The following FRMD4A variants were observed in gnomAD, a reference collection of about 807,000 sequenced individuals.
The protein encoded by FRMD4A is FERM domain containing 4A, also known as FERM domain-containing protein 4A.
In FRMD4A, 29 loss-of-function variants were observed where a neutral mutation model predicts 129.1. The observed-to-expected ratio is 0.22, with a 90% CI of 0.17 to 0.31. The LOEUF (loss-of-function observed/expected upper bound fraction) is 0.31, where lower values mean the gene tolerates loss of function less well. Among genes scored for constraint, FRMD4A ranks in the 10% least tolerant of loss-of-function variants. The pLI is 1.00. For missense variants in FRMD4A, 1,272 were observed against 1,375.8 expected, an observed-to-expected ratio of 0.92 and a Z score of 1.19; for synonymous variants, 634 against 571.6, an observed-to-expected ratio of 1.11 and a Z score of -1.56.
In FRMD4A at chr10:13,830,892, T is replaced by G. The variant is rs908452272; in HGVS notation, c.112-19984A>C. 5.3e-5 allele frequency among the ~76,000 whole-genome samples: 8 copies of G among 152,210 alleles called. No individual in the cohort carries two copies. The South Asian group carries it at 1.7e-3, about 32-fold the overall frequency. ...GCAACCTCTGCCTCCCGGGTTCAAG[T>G]GATTCTCATGCCTCAGCCTCCCAAG... On this transcript the variant is annotated intron_variant, in intron 3 of 24. Transcript: ENST00000357447.
chr10:13,728,994 T>A (rs2090126331), intron 12 of FRMD4A, among the ~76,000 whole-genome samples: 1 of 152,196 alleles, frequency 6.6e-6, no homozygotes, highest in South Asian at 2.1e-4. Context: ...GATCTCAATT[T>A]TCTTAGAATA....
At chr10:13,924,538 A>G (rs2095108574) in intron 2 of FRMD4A, among the ~76,000 whole-genome samples, 1 of 152,050 alleles carries the variant, frequency 6.6e-6, no homozygotes, top group African/African-American at 2.4e-5. Flanking sequence ...GACTTCTCTC[A>G]GGGAGAAGCA....
intron 2 of FRMD4A, among the ~76,000 whole-genome samples, chr10:13,919,862 C>A (rs560556163): frequency 6.6e-6 from 1 of 152,218 alleles, no homozygotes; most frequent in African/African-American, 2.4e-5. Flanking sequence ...TGCTTGAACC[C>A]AAGAGGCAGA....
intron 2 of FRMD4A, among the ~76,000 whole-genome samples, chr10:14,006,519 A>G (rs956975125): frequency 3.3e-5 from 5 of 152,202 alleles, no homozygotes; most frequent in Admixed American, 6.5e-5. Flanking sequence ...TAAACACTTT[A>G]TCTGGAGAAC....
At chr10:13,689,278 G>A (rs1267649336) in intron 15 of FRMD4A, among the ~76,000 whole-genome samples, 1 of 141,412 alleles carries the variant, frequency 7.1e-6, no homozygotes, top group East Asian at 2.3e-4. Context: ...GGAGCTAGCA[G>A]AAATGTTTAT....
chr10:14,177,630 G>A (rs925428051), intron 2 of FRMD4A, among the ~76,000 whole-genome samples: 2 of 152,142 alleles, frequency 1.3e-5, no homozygotes, highest in Non-Finnish European at 2.9e-5. Context: ...AACAGAGGGG[G>A]GACTATGCCA....
chr10:13,764,184 C>CGTGTGTGTGTGTGTGTGTGT (rs369852562), intron 6 of FRMD4A, among the ~76,000 whole-genome samples: 1 of 141,596 alleles, frequency 7.1e-6, no homozygotes, highest in Non-Finnish European at 1.5e-5. Flanking sequence ...CAAAGATTTC[C>CGTGTGTGTGTGTGTGTGTGT]GTGTGTGTGT....
intron 19 of FRMD4A, among the ~76,000 whole-genome samples, chr10:13,661,764 A>G (rs879790761): frequency 2.6e-5 from 4 of 152,140 alleles, no homozygotes; most frequent in African/African-American, 7.2e-5. Flanking sequence ...CTTCACAGGG[A>G]AGGCAGACAT....
chr10:13,722,155 C>G (rs914654012), intron 12 of FRMD4A, among the ~76,000 whole-genome samples: 1 of 151,366 alleles, frequency 6.6e-6, no homozygotes, highest in Non-Finnish European at 1.5e-5. Context: ...TCCCGTGCAG[C>G]AGAAACACCT....
At position 13,645,472 on chromosome 10, in the gene FRMD4A, A is replaced by T. The variant is rs1016468678; in HGVS notation, c.*1566T>A. On this transcript the variant is annotated 3_prime_UTR_variant, in exon 25 of 25. Coordinates refer to ENST00000357447, the MANE Select transcript of FRMD4A (RefSeq NM_018027.5). ...AAAGTCGTGCACTTGTTACTATAAA[A>T]GTATTTTTGAGGCCTTTGAAGATTG... 1 of 152,578 alleles carries T rather than the reference A, an allele frequency of 6.6e-6. No individual in the cohort carries two copies. Among genetic ancestry groups the T allele is most frequent in the African/African-American group, 2.4e-5 (1 of 41,430 alleles). The allele number at this position is 152,578 out of a possible 1,614,324, so 9.5% of individuals were successfully genotyped here.
chr10:13,905,004 A>AAAAG (rs1276947094), intron 2 of FRMD4A, among the ~76,000 whole-genome samples: 2 of 151,034 alleles, frequency 1.3e-5, no homozygotes, highest in African/African-American at 4.9e-5. Context: ...AAAAAAAAAA[A>AAAAG]AAAAAAGAAA....
chr10:14,324,688 C>T (rs994908350), intron 2 of FRMD4A, among the ~76,000 whole-genome samples: 2 of 130,238 alleles, frequency 1.5e-5, no homozygotes, highest in Admixed American at 7.9e-5. Flanking sequence ...TGGAGTCCCG[C>T]TCTGTCACCC....
At chr10:14,154,339 A>G (rs899021510) in intron 2 of FRMD4A, among the ~76,000 whole-genome samples, 5 of 152,098 alleles carry the variant, frequency 3.3e-5, no homozygotes, top group Non-Finnish European at 5.9e-5. Context: ...ATTTTTTGAT[A>G]TCATTGAGAT....
chr10:14,146,337 T>C (rs1189415788), intron 2 of FRMD4A, among the ~76,000 whole-genome samples: 1 of 152,234 alleles, frequency 6.6e-6, no homozygotes, highest in Non-Finnish European at 1.5e-5. Flanking sequence ...GATGTCCTTT[T>C]TCTCCTAACA....
At chr10:13,967,330 C>T (rs575883561) in intron 2 of FRMD4A, among the ~76,000 whole-genome samples, 2 of 151,962 alleles carry the variant, frequency 1.3e-5, no homozygotes, top group South Asian at 4.1e-4. Flanking sequence ...GAGCGAGACT[C>T]CGTCTCAAAG....
At chr10:14,212,720 T>A (rs1394372073) in intron 2 of FRMD4A, among the ~76,000 whole-genome samples, 1 of 152,242 alleles carries the variant, frequency 6.6e-6, no homozygotes, top group Admixed American at 6.5e-5. Context: ...AGTACCTTAA[T>A]GCCTTTGGAA....
In FRMD4A at chr10:14,102,394, G is replaced by A. The variant is rs558331631; in HGVS notation, c.45+227664C>T. ...ATACAAAAACTAGCCGGGTGTGGTGGCGCAGGCCTATAGTCCCAGCTACTC... is the reference window on the plus strand; with the variant it reads ...ATACAAAAACTAGCCGGGTGTGGTGACGCAGGCCTATAGTCCCAGCTACTC... On this transcript the variant is annotated intron_variant, in intron 2 of 24. Coordinates refer to ENST00000357447, the MANE Select transcript of FRMD4A (RefSeq NM_018027.5). Among the ~76,000 whole-genome samples, 9 of 152,324 alleles carry A rather than the reference G, an allele frequency of 5.9e-5. No homozygotes were observed. The South Asian group carries it at 1.2e-3, about 21-fold the overall frequency.
Position 13,657,506 on chromosome 10 carries a change from G to A in FRMD4A, c.2083C>T (p.Pro695Ser). 3 of 1,596,262 alleles carry A rather than the reference G, an allele frequency of 1.9e-6. No homozygotes were observed. The highest frequency in any genetic ancestry group is 1.7e-6 in the Non-Finnish European group (2 of 1,173,426). The change falls in exon 22 of 25, where the codon CCC (proline) becomes TCC (serine). Residue 695 changes from proline to serine, a missense_variant. Transcript: ENST00000357447. ...VHSTRSVDIS[P>S]TRLHSLALHF... Reference sequence around the variant, plus strand: ...AGTGCGAGGCTGTGCAGTCGGGTGGGGCTGATGTCCACCGACCTGCCGGGA... The same window carrying A: ...AGTGCGAGGCTGTGCAGTCGGGTGGAGCTGATGTCCACCGACCTGCCGGGA...
intron 2 of FRMD4A, among the ~76,000 whole-genome samples, chr10:14,081,411 CA>C (rs1306125913): frequency 6.6e-6 from 1 of 152,146 alleles, no homozygotes; most frequent in Non-Finnish European, 1.5e-5. Context: ...GAAGAACAGA[CA>C]ACAAACCCAC....
Sources: gnomAD v4.1 joint callset for allele counts (sites outside exome capture counted in the v4.1 genomes callset) on GRCh38, gnomAD v4.1.1 for gene constraint, MANE v1.5 for transcripts, NCBI Gene and HGNC (gene_info 2026-07-23, HGNC 2026-07-21) for gene names.